The following PSME4 variants were observed in gnomAD, a reference collection of about 807,000 sequenced individuals.
The protein encoded by PSME4 is proteasome activator complex subunit 4.
In PSME4, 89 loss-of-function variants were observed where a neutral mutation model predicts 253.9. That is an observed-to-expected ratio of 0.35 (90% CI 0.30 to 0.42). The LOEUF (loss-of-function observed/expected upper bound fraction) is 0.42. Ranked by LOEUF, PSME4 falls within the 10% of genes least tolerant of loss-of-function variation. The pLI is 1.00. For synonymous variants in PSME4, 851 were observed against 759.2 expected, an observed-to-expected ratio of 1.12 and a Z score of -1.99; for missense variants, 2,014 against 2,195.2, an observed-to-expected ratio of 0.92 and a Z score of 1.65.
intron 14 of PSME4, 30 bp from the exon 15 acceptor site, chr2:53,923,449 A>AT: frequency 6.5e-7 from 1 of 1,544,478 alleles, no homozygotes; most frequent in Admixed American, 2.3e-5. Context: ...TTTAATGAGC[A>AT]TTTTTTAAGA....
chr2:53,893,487 A>G (rs1213255467), intron 35 of PSME4, among the ~76,000 whole-genome samples, 187 bp downstream of exon 35: 1 of 152,210 alleles, frequency 6.6e-6, no homozygotes, highest in African/African-American at 2.4e-5. Context: ...ATGCTATGTC[A>G]ATACTGGTTG....
intron 3 of PSME4, 146 bp from the exon 4 acceptor site, chr2:53,940,146 G>C (rs939078535): frequency 1.1e-5 from 6 of 559,688 alleles, no homozygotes; most frequent in Non-Finnish European, 1.8e-5. Context: ...TCATACAAAC[G>C]GAACTGCAAG....
At chr2:53,958,626 T>G (rs989669662) in intron 1 of PSME4, among the ~76,000 whole-genome samples, 11 of 152,216 alleles carry the variant, frequency 7.2e-5, no homozygotes, top group African/African-American at 2.4e-4. Flanking sequence ...ATAATGACTA[T>G]TCTTACCATT....
chr2:53,866,181 G>A lies in PSME4; in HGVS notation c.5440C>T (p.His1814Tyr). 1.2e-6 allele frequency: 2 copies of A among 1,613,938 alleles called. No individual in the cohort carries two copies. Among genetic ancestry groups the A allele is most frequent in the Non-Finnish European group, 1.7e-6 (2 of 1,179,848 alleles). Residue 1814 changes from histidine to tyrosine, a missense_variant, in exon 46 of 47, where the codon CAT becomes TAT. Physicochemically the swap from His to Tyr is moderately conservative, Grantham distance 83. Transcript: ENST00000404125. ...TGTTTATGTTCCTGCCAGTTGTCAT[G>A]GTGAGTCCTTCGGAAATTGGATAAG... ...KTLSNFRRTH[H>Y]DNWQEHKQQF...
chr2:53,948,666 G>T lies in PSME4; in HGVS notation c.384-129C>A, dbSNP rs1163827607. ...ATGGGTTTTGCTTTCCCCATCCATG[G>T]CCACTCACTAGCAGAACATAGTATT... is the stretch of plus-strand genomic sequence containing the variant. On this transcript the variant is annotated intron_variant, in intron 2 of 46. Coordinates refer to ENST00000404125, the MANE Select transcript of PSME4 (RefSeq NM_014614.3). The T allele has an allele frequency of 2.4e-5, 16 of 658,468 alleles. No individual in the cohort carries two copies. In the East Asian group the frequency reaches 2.8e-4, roughly 11 times the overall value. The allele number at this position is 658,468 out of a possible 1,614,324, so 40.8% of individuals were successfully genotyped here. A position where few individuals can be genotyped will look rare whatever the true frequency, so the allele number is the denominator to read the frequency against.
intron 4 of PSME4, among the ~76,000 whole-genome samples, chr2:53,937,766 G>A (rs1219798716): frequency 2.0e-5 from 3 of 152,144 alleles, no homozygotes; most frequent in South Asian, 2.1e-4. Flanking sequence ...GGGAAGCTGA[G>A]GTCGATGGAT....
intron 17 of PSME4, among the ~76,000 whole-genome samples, chr2:53,921,661 G>C (rs1222178684): frequency 2.1e-3 from 253 of 122,060 alleles, no homozygotes; most frequent in Middle Eastern, 0.012. Context: ...GAGGTCAGGA[G>C]ATCGAGACCA....
chr2:53,920,056 A>C, intron 19 of PSME4, 137 bp downstream of exon 19: 1 of 783,380 alleles, frequency 1.3e-6, no homozygotes, highest in Non-Finnish European at 1.9e-6. Flanking sequence ...CATTATATTA[A>C]ATGATTTTCT....
chr2:53,869,857 A>G (rs1444247484), intron 43 of PSME4: 4 of 171,072 alleles, frequency 2.3e-5, no homozygotes, highest in Non-Finnish European at 3.7e-5. Flanking sequence ...CCAGAACCTG[A>G]CATTAAGATC....
chr2:53,965,090 C>T (rs968722903), intron 1 of PSME4, among the ~76,000 whole-genome samples: 2 of 151,968 alleles, frequency 1.3e-5, no homozygotes, highest in Non-Finnish European at 2.9e-5. Flanking sequence ...TGTTTAAACA[C>T]ACACACACAC....
At chr2:53,946,714 AGT>A (rs1669725967) in intron 3 of PSME4, among the ~76,000 whole-genome samples, 4 of 152,236 alleles carry the variant, frequency 2.6e-5, no homozygotes, top group African/African-American at 9.6e-5. Context: ...TGGGCAACAC[AGT>A]GAGACCCTGT....
rs752642838 is a variant in PSME4 at position 53,875,676 on chromosome 2, C to T, written c.4895G>A (p.Gly1632Glu). Reference protein sequence around the residue: ...AKLCLSLMSQGLLYPHQVPLV... With the variant: ...AKLCLSLMSQELLYPHQVPLV... ...AGGCACTTGATGAGGGTAAAGCAAC[C>T]CCTGAGACATTAATGATAAACATAA... The change falls in exon 42 of 47, where the codon GGG (glycine) becomes GAG (glutamate). Residue 1632 changes from glycine to glutamate, a missense_variant. Gly to Glu is a moderately conservative substitution (Grantham distance 98). This residue lies in a region of PSME4 where 403 missense variants were observed against 556.1 expected (regional missense o/e 0.72). Transcript: ENST00000404125. The T allele has an allele frequency of 6.2e-7, 1 of 1,612,662 alleles. No individual in the cohort carries two copies. Among genetic ancestry groups the T allele is most frequent in the Non-Finnish European group, 8.5e-7 (1 of 1,179,128 alleles).
intron 29 of PSME4, among the ~76,000 whole-genome samples, chr2:53,899,096 T>A (rs1027679287): frequency 6.6e-6 from 1 of 152,208 alleles, no homozygotes; most frequent in Non-Finnish European, 1.5e-5. Context: ...GACAGGGTCT[T>A]GCTCTGTTAC....
chr2:53,909,968 T>TCAAAA (rs956908838), intron 21 of PSME4, 107 bp downstream of exon 21: 25 of 1,013,812 alleles, frequency 2.5e-5, no homozygotes, highest in South Asian at 7.7e-5. Flanking sequence ...AGACTCTGTC[T>TCAAAA]CAAAACAAAA....
chr2:53,909,279 G>T (rs1056719134), intron 21 of PSME4, among the ~76,000 whole-genome samples: 1 of 152,084 alleles, frequency 6.6e-6, no homozygotes, highest in Non-Finnish European at 1.5e-5. Context: ...TGTAACTTTG[G>T]TGTTAATCCA....
chr2:53,933,364 C>G (rs1573322030), intron 8 of PSME4, among the ~76,000 whole-genome samples: 2 of 93,714 alleles, frequency 2.1e-5, no homozygotes, highest in Middle Eastern at 8.6e-3. Flanking sequence ...GGCGATAGAG[C>G]GAGACCATCT....
chr2:53,962,143 A>G (rs1670521513), intron 1 of PSME4, among the ~76,000 whole-genome samples: 1 of 152,194 alleles, frequency 6.6e-6, no homozygotes, highest in Non-Finnish European at 1.5e-5. Context: ...AAGTACATTG[A>G]TTTCTTCATT....
At chr2:53,893,606 A>T (rs1293739303) in intron 35 of PSME4, 68 bp downstream of exon 35, 2 of 1,571,982 alleles carry the variant, frequency 1.3e-6, no homozygotes, top group East Asian at 4.6e-5. Context: ...AAATATTTAT[A>T]AGTTATGAAC....
chr2:53,899,757 G>C (rs2104433842), intron 29 of PSME4, 124 bp downstream of exon 29: 1 of 1,148,366 alleles, frequency 8.7e-7, no homozygotes, highest in Non-Finnish European at 1.2e-6. Flanking sequence ...GGTGAAGGTT[G>C]CAGTGAGCCA....
Sources: allele counts gnomAD v4.1 joint callset (sites outside exome capture counted in the v4.1 genomes callset), GRCh38; gene constraint gnomAD v4.1.1; regional missense constraint gnomAD v4.1.1; transcripts MANE v1.5; gene names NCBI Gene and HGNC (gene_info 2026-07-23, HGNC 2026-07-21).